Variants in SEMA5A observed in about 807,000 individuals in gnomAD.
SEMA5A encodes the protein semaphorin-5A.
In SEMA5A, 55 loss-of-function variants were observed where a neutral mutation model predicts 135.5. That is an observed-to-expected ratio of 0.41 (90% confidence interval 0.33 to 0.51). The LOEUF (loss-of-function observed/expected upper bound fraction) is 0.51, where lower values mean the gene tolerates loss of function less well. Ranked by LOEUF, SEMA5A falls within the 20% of genes least tolerant of loss-of-function variation. The pLI, the probability that SEMA5A is intolerant of heterozygous loss-of-function variation, is 0.37. For synonymous variants in SEMA5A, 580 were observed against 546.5 expected, an observed-to-expected ratio of 1.06 and a Z score of -0.85; for missense variants, 1,290 against 1,419.9, an observed-to-expected ratio of 0.91 and a Z score of 1.47.
At chr5:9,071,260 C>G (rs899174657) in intron 16 of SEMA5A, among the ~76,000 whole-genome samples, 1 of 152,164 alleles carries the variant, frequency 6.6e-6, no homozygotes, top group Non-Finnish European at 1.5e-5. Context: ...ACTTCTATGC[C>G]AAGTACTACA....
At chr5:9,123,884 C>T (rs1311554443) in intron 13 of SEMA5A, among the ~76,000 whole-genome samples, 5 of 152,058 alleles carry the variant, frequency 3.3e-5, no homozygotes, top group East Asian at 3.9e-4. Context: ...GATGGATTCA[C>T]GAACAGGGGC....
At chr5:9,513,611 A>G (rs1477959071) in intron 1 of SEMA5A, among the ~76,000 whole-genome samples, 6 of 152,188 alleles carry the variant, frequency 3.9e-5, no homozygotes, top group African/African-American at 1.4e-4. Flanking sequence ...AGCTCCTCAC[A>G]CAAAACAGAT....
At chr5:9,131,885 C>T (rs942121152) in intron 13 of SEMA5A, among the ~76,000 whole-genome samples, 6 of 152,030 alleles carry the variant, frequency 3.9e-5, no homozygotes, top group Non-Finnish European at 7.4e-5. Context: ...CCCTGGTCAT[C>T]ATGTATCCAC....
At chr5:9,107,158 C>T (rs984695344) in intron 16 of SEMA5A, among the ~76,000 whole-genome samples, 10 of 152,184 alleles carry the variant, frequency 6.6e-5, no homozygotes, top group South Asian at 2.1e-4. Context: ...CAGACCTTCT[C>T]GTGCTGAGCT....
rs1737469827 is a variant in SEMA5A, at chr5:9,066,452, A to G, written c.2268T>C (p.Ser756=). The G allele has an allele frequency of 6.2e-7, 1 of 1,614,240 alleles. No individual in the cohort carries two copies. The highest frequency in any genetic ancestry group is 8.5e-7 in the Non-Finnish European group (1 of 1,180,042). Residue 756 remains serine, a synonymous_variant, in exon 17 of 23, where the codon TCT becomes TCC. Coordinates refer to ENST00000382496, the MANE Select transcript of SEMA5A (RefSeq NM_003966.3). ...GRQRIEMRYC[S]SDGTSGCSTD... ...TGGAGCAGCCACTGGTGCCGTCGCT[A>G]GAACAGTACCGCATTTCGATTCTCT...
chr5:9,310,269 T>C (rs1365209215), intron 5 of SEMA5A, among the ~76,000 whole-genome samples: 1 of 152,154 alleles, frequency 6.6e-6, no homozygotes, highest in Non-Finnish European at 1.5e-5. Context: ...ACAATATGTC[T>C]GGATTCCAAA....
intron 5 of SEMA5A, among the ~76,000 whole-genome samples, chr5:9,286,646 C>T (rs1053436369): frequency 6.6e-6 from 1 of 152,202 alleles, no homozygotes. Context: ...ATAATATGTT[C>T]CTTATTCATA....
intron 1 of SEMA5A, among the ~76,000 whole-genome samples, chr5:9,485,816 G>A (rs1327330918): frequency 6.6e-6 from 1 of 152,162 alleles, no homozygotes; most frequent in Admixed American, 6.5e-5. Context: ...AAATAAAGAG[G>A]CATTGAAGAG....
intron 5 of SEMA5A, among the ~76,000 whole-genome samples, chr5:9,287,298 C>T (rs918865349): frequency 2.0e-5 from 3 of 152,160 alleles, no homozygotes; most frequent in African/African-American, 7.2e-5. Flanking sequence ...ACTTTGGTGT[C>T]AGCAAAAGTA....
intron 1 of SEMA5A, among the ~76,000 whole-genome samples, chr5:9,480,815 A>G (rs1207133211): frequency 1.3e-5 from 2 of 152,222 alleles, no homozygotes; most frequent in Non-Finnish European, 2.9e-5. Flanking sequence ...ATCCAGAGCA[A>G]GACAGGGATG....
At chr5:9,158,878 T>C (rs1743098155) in intron 11 of SEMA5A, among the ~76,000 whole-genome samples, 1 of 152,224 alleles carries the variant, frequency 6.6e-6, no homozygotes, top group Non-Finnish European at 1.5e-5. Flanking sequence ...TCACTACATA[T>C]TTGTCTCATC....
chr5:9,117,525 A>G (rs1740583131), intron 15 of SEMA5A, among the ~76,000 whole-genome samples: 1 of 152,246 alleles, frequency 6.6e-6, no homozygotes, highest in African/African-American at 2.4e-5. Context: ...CACATCAAAT[A>G]TACCATATAC....
chr5:9,346,054 G>GA (rs1490309220), intron 3 of SEMA5A, among the ~76,000 whole-genome samples: 2 of 152,044 alleles, frequency 1.3e-5, no homozygotes, highest in Non-Finnish European at 2.9e-5. Context: ...TTTCCTGCTT[G>GA]AATGTTACCT....
At chr5:9,368,308 A>G (rs1048622358) in intron 3 of SEMA5A, among the ~76,000 whole-genome samples, 3 of 152,234 alleles carry the variant, frequency 2.0e-5, no homozygotes, top group African/African-American at 7.2e-5. Flanking sequence ...AACTCAGGCT[A>G]TTTCTAAAGC....
At chr5:9,221,476 C>A (rs954435642) in intron 8 of SEMA5A, among the ~76,000 whole-genome samples, 2 of 151,376 alleles carry the variant, frequency 1.3e-5, no homozygotes, top group African/African-American at 2.4e-5. Context: ...CTAATTTTTT[C>A]TATTTTTAGT....
At chr5:9,090,937 G>A (rs1217827209) in intron 16 of SEMA5A, among the ~76,000 whole-genome samples, 1 of 152,196 alleles carries the variant, frequency 6.6e-6, no homozygotes, top group Admixed American at 6.5e-5. Context: ...TAAATGAAAT[G>A]TCTGCAAAGT....
chr5:9,050,868 G>C (rs1023838992), intron 20 of SEMA5A, among the ~76,000 whole-genome samples: 1 of 152,172 alleles, frequency 6.6e-6, no homozygotes, highest in Non-Finnish European at 1.5e-5. Flanking sequence ...CAGAGGGAGG[G>C]CCCATTCACC....
chr5:9,469,807 T>C (rs1561278980), intron 1 of SEMA5A, among the ~76,000 whole-genome samples: 1 of 152,254 alleles, frequency 6.6e-6, no homozygotes, highest in Non-Finnish European at 1.5e-5. Context: ...CAGGCTTGCA[T>C]TAAAAGCATT....
At chr5:9,320,350 G>T (rs1752574109) in intron 4 of SEMA5A, among the ~76,000 whole-genome samples, 2 of 152,170 alleles carry the variant, frequency 1.3e-5, no homozygotes, top group Admixed American at 1.3e-4. Flanking sequence ...GGATACCTCT[G>T]AGGGGAGGGA....
Sources: gnomAD v4.1 joint callset for allele counts (sites outside exome capture counted in the v4.1 genomes callset) on GRCh38, gnomAD v4.1.1 for gene constraint, MANE v1.5 for transcripts, NCBI Gene and HGNC (gene_info 2026-07-23, HGNC 2026-07-21) for gene names.